The following MROH2B variants were observed in gnomAD, a reference collection of about 807,000 sequenced individuals.
MROH2B encodes maestro heat like repeat family member 2B.
A neutral mutation model predicts 208.6 loss-of-function variants in MROH2B; 177 were observed. The observed-to-expected ratio is 0.85, with a 90% CI of 0.75 to 0.96. The LOEUF (loss-of-function observed/expected upper bound fraction) is 0.96. Ranked by LOEUF, MROH2B falls within the 40% of genes least tolerant of loss-of-function variation. MROH2B has a pLI of 0.00. For synonymous variants in MROH2B, 728 were observed against 659.0 expected (o/e 1.10, Z -1.60); for missense variants, 2,002 against 1,878.7 (o/e 1.07, Z -1.21).
chr5:41,070,133 T>C (rs72751680), intron 1 of MROH2B, among the ~76,000 whole-genome samples: 6,399 of 152,172 alleles, frequency 0.042, 196 homozygotes, highest in Middle Eastern at 0.13. Flanking sequence ...GCAACATAGC[T>C]GTTTATTTTT....
At chr5:41,060,817 T>C (rs997546426) in intron 6 of MROH2B, among the ~76,000 whole-genome samples, 2 of 152,226 alleles carry the variant, frequency 1.3e-5, no homozygotes, top group Non-Finnish European at 2.9e-5. Context: ...TAAAGTTCCA[T>C]GTTGCTAACG....
intron 6 of MROH2B, among the ~76,000 whole-genome samples, chr5:41,059,838 C>T (rs1743580159): frequency 6.6e-6 from 1 of 152,188 alleles, no homozygotes; most frequent in Admixed American, 6.5e-5. Context: ...ACTCTATAAA[C>T]TCTTTAAACA....
chr5:41,055,861 G>T lies in MROH2B; in HGVS notation c.920-6C>A. 4 of 1,599,728 alleles carry T rather than the reference G, an allele frequency of 2.5e-6. No individual in the cohort carries two copies. Among genetic ancestry groups the T allele is most frequent in the Non-Finnish European group, 3.4e-6 (4 of 1,167,188 alleles). On this transcript the variant is annotated splice_region_variant and splice_polypyrimidine_tract_variant and intron_variant, in intron 9 of 41. Coordinates refer to ENST00000399564, the MANE Select transcript of MROH2B (RefSeq NM_173489.5). ...CTCTCCAGGATTGGAATGGGCTGCAGGTTCAAGAAACACTAGAGCTGTAAC... is the reference window on the plus strand; with the variant it reads ...CTCTCCAGGATTGGAATGGGCTGCATGTTCAAGAAACACTAGAGCTGTAAC...
Position 41,069,764 on chromosome 5 carries a change from AGAAAAATATGAATT to A in MROH2B, c.29-26_29-13del. The A allele has an allele frequency of 6.3e-7, 1 of 1,580,214 alleles. No homozygotes were observed. Among genetic ancestry groups the A allele is most frequent in the Non-Finnish European group, 8.7e-7 (1 of 1,154,504 alleles). On this transcript the variant is annotated splice_polypyrimidine_tract_variant and intron_variant, in intron 1 of 41. Transcript: ENST00000399564. ...ATCCCCAAACATCTCTAAAACGTAC[AGAAAAATATGAATT>A]GAAATATATGCTGAAATGCCCTCCT...
intron 5 of MROH2B, among the ~76,000 whole-genome samples, chr5:41,062,946 C>A (rs914851400): frequency 6.6e-6 from 1 of 152,058 alleles, no homozygotes; most frequent in African/African-American, 2.4e-5. Context: ...TGTGAAGCAG[C>A]CAGCACAATG....
rs191116619 is a variant in MROH2B at position 41,047,604 on chromosome 5, A to G, written c.1728+117T>C. On this transcript the variant is annotated intron_variant, in intron 17 of 41. Coordinates refer to ENST00000399564, the MANE Select transcript of MROH2B (RefSeq NM_173489.5). ...CTTCTAACATTCTAATTCTTTTCCA[A>G]AGAAAGGAAAAGGTTGTTTATTATC... 7.9e-4 allele frequency: 736 copies of G among 927,174 alleles called. 6 individuals are homozygous for G. In the African/African-American group the frequency reaches 0.011, roughly 14 times the overall value. 57.4% of individuals were successfully genotyped at this position (927,174 alleles called of 1,614,324 possible). A position where few individuals can be genotyped will look rare whatever the true frequency, so the allele number is the denominator to read the frequency against.
chr5:41,034,464 T>C (rs998018876), intron 21 of MROH2B, among the ~76,000 whole-genome samples: 1 of 152,048 alleles, frequency 6.6e-6, no homozygotes, highest in South Asian at 2.1e-4. Flanking sequence ...ACCCCATGAA[T>C]CTACCAGCTA....
At chr5:41,000,568 C>G (rs1042673287) in intron 38 of MROH2B, 110 bp downstream of exon 38, 18 of 1,403,892 alleles carry the variant, frequency 1.3e-5, no homozygotes, top group Non-Finnish European at 1.7e-5. Context: ...TCAGGTTCAG[C>G]GCTAAGGGGT....
intron 24 of MROH2B, among the ~76,000 whole-genome samples, chr5:41,031,920 G>T (rs1280902385): frequency 3.3e-5 from 5 of 152,064 alleles, no homozygotes; most frequent in Non-Finnish European, 7.4e-5. Context: ...TCGTTTGTAT[G>T]TCTGTGTAGT....
At position 41,023,714 on chromosome 5, in the gene MROH2B, T is replaced by C. The variant is rs1742244528; in HGVS notation, c.2442-4696A>G. On this transcript the variant is annotated intron_variant, in intron 24 of 41. Transcript: ENST00000399564. ...AAAGATACTCTTTGAGAAGAGCAAC[T>C]CCAAGACACATAATTGTCAGATACA... Among the ~76,000 whole-genome samples, 5 of 152,054 alleles carry C rather than the reference T, an allele frequency of 3.3e-5. No homozygotes were observed. In the South Asian group the frequency reaches 1.0e-3, roughly 32 times the overall value.
At chr5:41,030,364 C>T (rs946072285) in intron 24 of MROH2B, among the ~76,000 whole-genome samples, 1 of 151,642 alleles carries the variant, frequency 6.6e-6, no homozygotes, top group African/African-American at 2.4e-5. Flanking sequence ...AACAATAATC[C>T]CTTTTACAAC....
intron 30 of MROH2B, among the ~76,000 whole-genome samples, chr5:41,010,469 G>T (rs1333367469): frequency 6.6e-6 from 1 of 152,168 alleles, no homozygotes. Context: ...CAACCGACAG[G>T]GGAATCCAGG....
chr5:41,052,495 G>C lies in MROH2B; in HGVS notation c.1200C>G (p.Phe400Leu). 6.2e-7 allele frequency: 1 copy of C among 1,612,774 alleles called. No individual in the cohort carries two copies. Among genetic ancestry groups the C allele is most frequent in the Non-Finnish European group, 8.5e-7 (1 of 1,179,176 alleles). The change falls in exon 12 of 42, where the codon TTC (phenylalanine) becomes TTG (leucine). Residue 400 changes from phenylalanine to leucine, a missense_variant. Phe to Leu is a conservative substitution (Grantham distance 22). Coordinates refer to ENST00000399564, the MANE Select transcript of MROH2B (RefSeq NM_173489.5). Reference protein sequence around the residue: ...REGWPLIDYVFSQFATLNRNL... With the variant: ...REGWPLIDYVLSQFATLNRNL... Reference sequence around the variant, plus strand: ...TCCTGTTCAACGTTGCAAACTGGGAGAAGACATAATCAATCAATGGCCATC... The same window carrying C: ...TCCTGTTCAACGTTGCAAACTGGGACAAGACATAATCAATCAATGGCCATC...
chr5:41,003,446 G>A (rs190511330), intron 37 of MROH2B, among the ~76,000 whole-genome samples: 1 of 152,118 alleles, frequency 6.6e-6, no homozygotes, highest in African/African-American at 2.4e-5. Context: ...AAATCAGGAA[G>A]GGCAAAATTA....
intron 11 of MROH2B, 88 bp downstream of exon 11, chr5:41,054,678 TA>T (rs1200930826): frequency 3.2e-6 from 3 of 946,900 alleles, no homozygotes; most frequent in East Asian, 5.3e-5. Context: ...CTTTATAAAA[TA>T]GTCTCATAAG....
rs2111853834 is a variant in MROH2B at position 41,015,230 on chromosome 5, G to T, written c.2982+151C>A. On this transcript the variant is annotated intron_variant, in intron 29 of 41. Transcript: ENST00000399564. ...AATGATCAGTAATGAGTGTTGACTAGGCATGTGTACTCTAAGTTAGAAAAT... is the reference window on the plus strand; with the variant it reads ...AATGATCAGTAATGAGTGTTGACTATGCATGTGTACTCTAAGTTAGAAAAT... 7.8e-6 allele frequency: 5 copies of T among 642,998 alleles called. No individual in the cohort carries two copies. The South Asian group carries it at 7.9e-5, about 10-fold the overall frequency. The allele number at this position is 642,998 out of a possible 1,614,324, so 39.8% of individuals were successfully genotyped here.
At chr5:41,069,865 C>A in intron 1 of MROH2B, 113 bp from the exon 2 acceptor site, 1 of 742,510 alleles carries the variant, frequency 1.3e-6, no homozygotes, top group Non-Finnish European at 2.3e-6. Flanking sequence ...CTCTCTCTCT[C>A]TCCCTTGACT....
chr5:41,016,193 T>C (rs757276039), intron 28 of MROH2B, among the ~76,000 whole-genome samples: 9 of 148,280 alleles, frequency 6.1e-5, no homozygotes, highest in African/African-American at 7.5e-5. Flanking sequence ...TTTTCAAAAC[T>C]GAGAAGTGTC....
chr5:41,036,771 C>G (rs1579936573), intron 21 of MROH2B, among the ~76,000 whole-genome samples: 1 of 151,946 alleles, frequency 6.6e-6, no homozygotes, highest in South Asian at 2.1e-4. Flanking sequence ...GCACGTGTAC[C>G]TCCTGTATCT....
Sources: gnomAD v4.1 joint callset for allele counts (sites outside exome capture counted in the v4.1 genomes callset) on GRCh38, gnomAD v4.1.1 for gene constraint, MANE v1.5 for transcripts, NCBI Gene and HGNC (gene_info 2026-07-23, HGNC 2026-07-21) for gene names.